FHIT: variants seen among roughly 807,000 people sequenced by gnomAD.
The protein encoded by FHIT is fragile histidine triad diadenosine triphosphatase.
FHIT carries 19 observed loss-of-function variants against 17.9 expected under a neutral mutation model. The observed-to-expected ratio is 1.06, with a 90% CI of 0.74 to 1.56. The LOEUF (loss-of-function observed/expected upper bound fraction) is 1.56, where lower values mean the gene tolerates loss of function less well. FHIT is among the 40% of genes most tolerant of loss of function. FHIT has a pLI of 0.00. For synonymous variants in FHIT, 81 were observed against 69.7 expected (o/e 1.16, Z -0.81); for missense variants, 248 against 189.2 (o/e 1.31, Z -1.82).
chr3:59,928,573 G>T (rs933329720), intron 7 of FHIT, among the ~76,000 whole-genome samples: 1 of 152,118 alleles, frequency 6.6e-6, no homozygotes, highest in African/African-American at 2.4e-5. Context: ...TAAGTAAAAT[G>T]GGCAAAGGAT....
chr3:61,181,785 T>C lies in FHIT; in HGVS notation c.-164+18832A>G, dbSNP rs2038352123. Among the ~76,000 whole-genome samples, 3 of 152,326 alleles carry C rather than the reference T, an allele frequency of 2.0e-5. No homozygotes were observed. In the East Asian group the frequency reaches 5.8e-4, roughly 29 times the overall value. ...ACTATTCTTGGAGAAAAATCTCTCT[T>C]TGTTTTGACAATTTTTCCTATCCCT... On this transcript the variant is annotated intron_variant, in intron 2 of 9. Transcript: ENST00000492590.
chr3:60,437,784 G>T lies in FHIT; in HGVS notation c.103+99076C>A, dbSNP rs947595203. Reference sequence around the variant, plus strand: ...GCAAAACAATCAACATCTAAATTCAGGGGAAATCCAGACCTATATTCTAAA... The same window carrying T: ...GCAAAACAATCAACATCTAAATTCATGGGAAATCCAGACCTATATTCTAAA... On this transcript the variant is annotated intron_variant, in intron 5 of 9. Coordinates refer to ENST00000492590, the MANE Select transcript of FHIT (RefSeq NM_002012.4). Among the ~76,000 whole-genome samples the T allele has an allele frequency of 2.0e-5, 3 of 151,910 alleles. No individual in the cohort carries two copies. The South Asian group carries it at 6.2e-4, about 31-fold the overall frequency.
At chr3:60,584,814 G>C (rs182748211) in intron 4 of FHIT, among the ~76,000 whole-genome samples, 1 of 151,852 alleles carries the variant, frequency 6.6e-6, no homozygotes, top group Non-Finnish European at 1.5e-5. Flanking sequence ...ACTGAATGAA[G>C]ATCCTTACAA....
chr3:60,599,810 T>C (rs1576949264), intron 4 of FHIT, among the ~76,000 whole-genome samples: 1 of 152,292 alleles, frequency 6.6e-6, no homozygotes, highest in African/African-American at 2.4e-5. Flanking sequence ...GCTATCGTTC[T>C]TGCCCATCTA....
chr3:60,072,772 G>T (rs1431544964), intron 5 of FHIT, among the ~76,000 whole-genome samples: 6 of 152,174 alleles, frequency 3.9e-5, no homozygotes, highest in Non-Finnish European at 8.8e-5. Context: ...TCTATTGACA[G>T]TATCTATGAA....
chr3:60,912,751 C>A (rs115503517), intron 3 of FHIT: 2 of 516,306 alleles, frequency 3.9e-6, no homozygotes, highest in South Asian at 2.8e-5. Flanking sequence ...ATATATTTAC[C>A]TTCTCACAAT....
At chr3:61,214,118 C>T (rs2039587408) in intron 1 of FHIT, among the ~76,000 whole-genome samples, 1 of 151,790 alleles carries the variant, frequency 6.6e-6, no homozygotes, top group African/African-American at 2.4e-5. Context: ...AGAGCAAACG[C>T]ATTCAAAAGC....
intron 7 of FHIT, among the ~76,000 whole-genome samples, chr3:59,981,504 C>T (rs1445589932): frequency 4.6e-5 from 7 of 152,054 alleles, no homozygotes; most frequent in African/African-American, 1.2e-4. Flanking sequence ...TCAGTGGGGA[C>T]GTGAAAAATT....
intron 5 of FHIT, among the ~76,000 whole-genome samples, chr3:60,114,833 T>C (rs67221972): frequency 0.2 from 30,353 of 151,712 alleles, 3,520 homozygotes; most frequent in African/African-American, 0.32. Flanking sequence ...GTAATAGCAA[T>C]TGTTGGAAGT....
At chr3:60,334,675 T>C (rs979215139) in intron 5 of FHIT, among the ~76,000 whole-genome samples, 4 of 152,110 alleles carry the variant, frequency 2.6e-5, no homozygotes, top group Non-Finnish European at 5.9e-5. Flanking sequence ...TAATCCCAGC[T>C]ACATGGGAGG....
In FHIT at chr3:60,084,534, T is replaced by C. The variant is rs953510726; in HGVS notation, c.104-70382A>G. On this transcript the variant is annotated intron_variant, in intron 5 of 9. Coordinates refer to ENST00000492590, the MANE Select transcript of FHIT (RefSeq NM_002012.4). ...CTAAAATTGTAATTAAAACAAATAA[T>C]GTACATGAAGGAGAGATGGCATCAC... Among the ~76,000 whole-genome samples the C allele has an allele frequency of 5.9e-5, 9 of 152,132 alleles. 1 individual carries two copies. Among genetic ancestry groups the C allele is most frequent in the Non-Finnish European group, 1.2e-4 (8 of 68,026 alleles).
intron 5 of FHIT, among the ~76,000 whole-genome samples, chr3:60,079,245 C>G (rs1703168949): frequency 6.6e-6 from 1 of 152,122 alleles, no homozygotes; most frequent in East Asian, 1.9e-4. Context: ...GTGCAGGCCG[C>G]AGAGACAATG....
intron 5 of FHIT, among the ~76,000 whole-genome samples, chr3:60,244,988 T>C (rs752388915): frequency 3.3e-5 from 5 of 152,054 alleles, no homozygotes; most frequent in African/African-American, 4.8e-5. Flanking sequence ...TAAAGTAATA[T>C]GGACTATTAA....
intron 5 of FHIT, among the ~76,000 whole-genome samples, chr3:60,108,138 G>A (rs974872490): frequency 5.3e-5 from 8 of 152,144 alleles, no homozygotes; most frequent in South Asian, 2.1e-4. Flanking sequence ...GACTTTGACC[G>A]TATGTGTCAT....
chr3:60,390,490 C>G (rs1452812437), intron 5 of FHIT, among the ~76,000 whole-genome samples: 3 of 146,436 alleles, frequency 2.0e-5, no homozygotes, highest in Non-Finnish European at 4.5e-5. Flanking sequence ...TCTACTTCTT[C>G]TATTTATAAA....
At chr3:60,383,405 C>T (rs1281549735) in intron 5 of FHIT, among the ~76,000 whole-genome samples, 1 of 152,018 alleles carries the variant, frequency 6.6e-6, no homozygotes, top group Non-Finnish European at 1.5e-5. Flanking sequence ...CAACCCCCAC[C>T]CAGAAATATT....
chr3:60,283,302 C>A (rs1164916797), intron 5 of FHIT, among the ~76,000 whole-genome samples: 1 of 152,012 alleles, frequency 6.6e-6, no homozygotes, highest in African/African-American at 2.4e-5. Context: ...TCCCTCAAGT[C>A]ATCCAGTTCC....
At chr3:60,648,569 T>C (rs1448263027) in intron 4 of FHIT, among the ~76,000 whole-genome samples, 8 of 152,060 alleles carry the variant, frequency 5.3e-5, no homozygotes, top group African/African-American at 1.7e-4. Context: ...AAACACCACA[T>C]GCCAGGTAAA....
chr3:59,928,331 G>C (rs879792419), intron 7 of FHIT, among the ~76,000 whole-genome samples: 3 of 152,164 alleles, frequency 2.0e-5, no homozygotes, highest in Admixed American at 6.5e-5. Context: ...GATTGGCAGA[G>C]GTATCATAGA....
Sources: allele counts gnomAD v4.1 joint callset (sites outside exome capture counted in the v4.1 genomes callset), GRCh38; gene constraint gnomAD v4.1.1; transcripts MANE v1.5; gene names NCBI Gene and HGNC (gene_info 2026-07-23, HGNC 2026-07-21).